Variants in MEGF10 observed in about 807,000 individuals in gnomAD.
MEGF10 encodes multiple EGF like domains 10.
Under a neutral mutation model 147.5 loss-of-function variants are expected in MEGF10, and 86 were observed. The observed-to-expected ratio is 0.58, with a 90% CI of 0.49 to 0.70. MEGF10 has a LOEUF of 0.70. Among genes scored for constraint, MEGF10 ranks in the 30% least tolerant of loss-of-function variants. MEGF10 has a pLI of 0.00. For synonymous variants in MEGF10, 478 were observed against 525.5 expected (o/e 0.91, Z 1.24); for missense variants, 1,329 against 1,487.3 (o/e 0.89, Z 1.75).
chr5:127,353,575 G>A (rs1029994849), intron 4 of MEGF10, among the ~76,000 whole-genome samples: 8 of 152,334 alleles, frequency 5.3e-5, no homozygotes, highest in Admixed American at 2.0e-4. Flanking sequence ...TGTAAGCAGC[G>A]CTGCTTGCAG....
chr5:127,275,579 G>A, the MEGF10 span, among the ~76,000 whole-genome samples: 10 of 141,096 alleles, frequency 7.1e-5, no homozygotes, highest in Admixed American at 2.8e-4. Context: ...GCTGCCTTTC[G>A]AATTCGAAGA....
intron 13 of MEGF10, 76 bp from the exon 14 acceptor site, chr5:127,433,287 C>A: frequency 6.3e-7 from 1 of 1,582,202 alleles, no homozygotes; most frequent in South Asian, 1.1e-5. Flanking sequence ...TGAGCTTAGT[C>A]CTCATCTATG....
intron 5 of MEGF10, among the ~76,000 whole-genome samples, chr5:127,373,444 G>T (rs867198249): frequency 6.6e-6 from 1 of 152,152 alleles, no homozygotes; most frequent in Non-Finnish European, 1.5e-5. Context: ...GAGCCACTGC[G>T]CCCAACCCAT....
At chr5:127,440,136 G>A (rs551824211) in intron 17 of MEGF10, among the ~76,000 whole-genome samples, 23 of 152,290 alleles carry the variant, frequency 1.5e-4, no homozygotes, top group African/African-American at 2.6e-4. Context: ...CAAGAGACTC[G>A]CCGGTCTAAG....
At chr5:127,391,096 G>GCACA (rs1413153325) in intron 5 of MEGF10, among the ~76,000 whole-genome samples, 2 of 29,366 alleles carry the variant, frequency 6.8e-5, no homozygotes, top group East Asian at 5.8e-4. Context: ...ATGCGCGCGC[G>GCACA]CGCGCGCACA....
chr5:127,331,284 C>A lies in MEGF10; in HGVS notation c.-18-7C>A. 1 of 1,439,132 alleles carries A rather than the reference C, an allele frequency of 6.9e-7. No homozygotes were observed. The highest frequency in any genetic ancestry group is 9.8e-7 in the Non-Finnish European group (1 of 1,025,496). 89.1% of individuals were successfully genotyped at this position (1,439,132 alleles called of 1,614,324 possible). A position where few individuals can be genotyped will look rare whatever the true frequency, so the allele number is the denominator to read the frequency against. On this transcript the variant is annotated splice_region_variant and splice_polypyrimidine_tract_variant and intron_variant, in intron 1 of 24. Transcript: ENST00000503335. ...CATTTCTAATTGGGATTTTTTCTTT[C>A]TTGTAGGTTGTTCTTCAGAAAAAAA...
In MEGF10 at chr5:127,434,806, G is replaced by A. The variant is rs754091432; in HGVS notation, c.1960G>A (p.Ala654Thr). The A allele has an allele frequency of 1.9e-5, 31 of 1,612,838 alleles. No homozygotes were observed. Among genetic ancestry groups the A allele is most frequent in the East Asian group, 1.8e-4 (8 of 44,858 alleles). Residue 654 changes from alanine (A) to threonine (T), a missense_variant, in exon 15 of 25, where the codon GCC (alanine) becomes ACC (threonine). Coordinates refer to ENST00000503335, the MANE Select transcript of MEGF10 (RefSeq NM_001256545.2). ...LCDCLPGFTG[A>T]LCNEVCPSGR... is the part of the protein sequence containing the mutation. ...TGACTGCTTGCCTGGCTTCACAGGC[G>A]CCCTCTGCAATGAAGGTAAGGCACG...
chr5:127,333,162 A>T (rs1454497152), intron 2 of MEGF10, among the ~76,000 whole-genome samples: 1 of 152,146 alleles, frequency 6.6e-6, no homozygotes, highest in African/African-American at 2.4e-5. Flanking sequence ...TAGATTTGGG[A>T]ATATCCAGCA....
At chr5:127,263,473 T>C in the MEGF10 span, among the ~76,000 whole-genome samples, 1 of 152,134 alleles carries the variant, frequency 6.6e-6, no homozygotes, top group African/African-American at 2.4e-5. Context: ...TAATATAGAC[T>C]AAACTGTTTA....
chr5:127,406,862 C>T (rs907725311), intron 8 of MEGF10, among the ~76,000 whole-genome samples: 31 of 152,248 alleles, frequency 2.0e-4, no homozygotes, highest in African/African-American at 6.0e-4. Flanking sequence ...AAAAGAGTTT[C>T]GAATGCCGAT....
chr5:127,294,826 T>C (rs998307627), intron 1 of MEGF10, among the ~76,000 whole-genome samples: 4 of 145,350 alleles, frequency 2.8e-5, no homozygotes, highest in Admixed American at 2.1e-4. Flanking sequence ...ATAATAATAA[T>C]AATAATAATA....
chr5:127,440,682 T>C (rs1022213215), intron 17 of MEGF10, 57 bp from the exon 18 acceptor site: 11 of 1,592,382 alleles, frequency 6.9e-6, no homozygotes, highest in Non-Finnish European at 9.4e-6. Context: ...GGCACGAGCC[T>C]CCAAGTGTTT....
intron 13 of MEGF10, among the ~76,000 whole-genome samples, chr5:127,423,528 A>G (rs2126981334): frequency 6.6e-6 from 1 of 152,106 alleles, no homozygotes; most frequent in African/African-American, 2.4e-5. Flanking sequence ...CATTTTTTTC[A>G]TTTCCTCACC....
the MEGF10 span, among the ~76,000 whole-genome samples, chr5:127,257,274 G>C: frequency 6.6e-6 from 1 of 150,928 alleles, no homozygotes; most frequent in South Asian, 2.1e-4. Flanking sequence ...GATTCCTAGG[G>C]GAGAGTCTTA....
intron 4 of MEGF10, among the ~76,000 whole-genome samples, chr5:127,352,227 A>G (rs1370542716): frequency 6.6e-6 from 1 of 152,210 alleles, no homozygotes; most frequent in Non-Finnish European, 1.5e-5. Context: ...TTACATGACC[A>G]CCAGTAATGT....
rs553318956 is a variant in MEGF10 at position 127,429,024 on chromosome 5, C to T, written c.1694-4339C>T. On this transcript the variant is annotated intron_variant, in intron 13 of 24. Transcript: ENST00000503335. ...TCTTTGTTCTCAGTCGTGGCAAAAA[C>T]AGTCCCTTACAGATCTCCTTATCAG... 1.6e-3 allele frequency among the ~76,000 whole-genome samples: 250 copies of T among 152,332 alleles called. 1 individual carries two copies. Among genetic ancestry groups the T allele is most frequent in the African/African-American group, 5.7e-3 (235 of 41,586 alleles).
intron 14 of MEGF10, 45 bp downstream of exon 14, chr5:127,433,554 G>A (rs1295405542): frequency 5.1e-6 from 8 of 1,553,568 alleles, no homozygotes; most frequent in Non-Finnish European, 7.0e-6. Flanking sequence ...CCTTCCCTGG[G>A]CACCATGTAT....
the MEGF10 span, among the ~76,000 whole-genome samples, chr5:127,283,827 AC>A: frequency 6.6e-6 from 1 of 152,220 alleles, no homozygotes; most frequent in Non-Finnish European, 1.5e-5. Flanking sequence ...CTAATTATAT[AC>A]TTACAAAGAT....
chr5:127,251,432 G>A, the MEGF10 span, among the ~76,000 whole-genome samples: 2 of 152,032 alleles, frequency 1.3e-5, no homozygotes, highest in Non-Finnish European at 2.9e-5. Context: ...TCTTATGGTT[G>A]TTGTGAAGAT....
Sources: allele counts gnomAD v4.1 joint callset (sites outside exome capture counted in the v4.1 genomes callset), GRCh38; gene constraint gnomAD v4.1.1; transcripts MANE v1.5; gene names NCBI Gene and HGNC (gene_info 2026-07-23, HGNC 2026-07-21).